VAC14: variants seen among roughly 807,000 people sequenced by gnomAD.
VAC14 encodes the protein protein VAC14 homolog.
A neutral mutation model predicts 85.3 loss-of-function variants in VAC14; 47 were observed. The ratio of observed to expected loss-of-function variants is 0.55; its 90% CI spans 0.44 to 0.70. The LOEUF (loss-of-function observed/expected upper bound fraction) is 0.70, where lower values mean the gene tolerates loss of function less well. Ranked by LOEUF, VAC14 falls within the 30% of genes least tolerant of loss-of-function variation. The pLI, the probability that VAC14 is intolerant of heterozygous loss-of-function variation, is 0.00. For synonymous variants in VAC14, 447 were observed against 430.5 expected (o/e 1.04, Z -0.47); for missense variants, 861 against 1,004.3 (o/e 0.86, Z 1.93).
chr16:70,763,103 G>C, intron 10 of VAC14, 78 bp from the exon 11 acceptor site: 1 of 1,591,922 alleles, frequency 6.3e-7, no homozygotes, highest in South Asian at 1.1e-5. Context: ...CACCACCCTG[G>C]GCCTGCACAT....
intron 14 of VAC14, among the ~76,000 whole-genome samples, chr16:70,710,685 G>A (rs1029585321): frequency 2.0e-5 from 3 of 152,154 alleles, no homozygotes; most frequent in Admixed American, 6.5e-5. Flanking sequence ...CTTCTGCCTC[G>A]TCGGTGCTGG....
Position 70,758,615 on chromosome 16 carries a change from C to A in VAC14, c.1371+3925G>T, listed in dbSNP as rs150399221. ...TACTCACAGGTGGGGGTATGGCCAT[C>A]TTACAGGCAGAACTCACTCAGGCAG... On this transcript the variant is annotated intron_variant, in intron 12 of 18. Coordinates refer to ENST00000261776, the MANE Select transcript of VAC14 (RefSeq NM_018052.5). Among the ~76,000 whole-genome samples the A allele has an allele frequency of 2.2e-3, 330 of 152,326 alleles. 2 individuals are homozygous for A. The highest frequency in any genetic ancestry group is 4.6e-3 in the South Asian group (22 of 4,830).
chr16:70,798,327 G>A (rs757639503), intron 1 of VAC14, among the ~76,000 whole-genome samples: 3 of 152,152 alleles, frequency 2.0e-5, no homozygotes, highest in Non-Finnish European at 4.4e-5. Flanking sequence ...GCCAATATTC[G>A]GACTCTTCTT....
intron 13 of VAC14, among the ~76,000 whole-genome samples, chr16:70,737,574 T>C (rs1053785298): frequency 3.3e-5 from 5 of 152,102 alleles, no homozygotes; most frequent in Admixed American, 3.3e-4. Context: ...TGCCAGCCCC[T>C]GGCAGGAAGT....
At chr16:70,704,736 C>T (rs1011657667) in intron 14 of VAC14, among the ~76,000 whole-genome samples, 21 of 152,318 alleles carry the variant, frequency 1.4e-4, no homozygotes, top group African/African-American at 4.1e-4. Flanking sequence ...AGCCGGAGCC[C>T]GCTCGGGAGG....
At chr16:70,747,944 G>C (rs2143015320) in intron 12 of VAC14, 1 of 150,844 alleles carries the variant, frequency 6.6e-6, no homozygotes, top group South Asian at 2.1e-4. Context: ...GGCCTGGCCT[G>C]TGCAAGGTTG....
chr16:70,787,239 T>C (rs1321906576), intron 1 of VAC14, among the ~76,000 whole-genome samples: 1 of 152,154 alleles, frequency 6.6e-6, no homozygotes, highest in East Asian at 1.9e-4. Flanking sequence ...GAGAACACTG[T>C]AGCTATGGGG....
At chr16:70,799,805 A>G (rs1386833147) in intron 1 of VAC14, among the ~76,000 whole-genome samples, 1 of 152,256 alleles carries the variant, frequency 6.6e-6, no homozygotes, top group Non-Finnish European at 1.5e-5. Flanking sequence ...AGCATTCTGC[A>G]ATGATGGAAA....
rs564457885 is a variant in VAC14, at chr16:70,777,188, G to A, written c.1096+3602C>T. Reference sequence around the variant, plus strand: ...TCGAACTCTTGACCTCAAATGATCCGCCTGCCTTAGCCTCCCAAAGTGCTG... The same window carrying A: ...TCGAACTCTTGACCTCAAATGATCCACCTGCCTTAGCCTCCCAAAGTGCTG... On this transcript the variant is annotated intron_variant, in intron 9 of 18. Coordinates refer to ENST00000261776, the MANE Select transcript of VAC14 (RefSeq NM_018052.5). Among the ~76,000 whole-genome samples, 5 of 152,134 alleles carry A rather than the reference G, an allele frequency of 3.3e-5. No individual in the cohort carries two copies. The South Asian group carries it at 1.0e-3, about 32-fold the overall frequency.
At chr16:70,711,417 AC>A (rs1266530612) in intron 14 of VAC14, among the ~76,000 whole-genome samples, 1 of 150,440 alleles carries the variant, frequency 6.6e-6, no homozygotes, top group African/African-American at 2.5e-5. Context: ...TTGAGGCCCC[AC>A]CCCCACCTGT....
chr16:70,778,388 C>A (rs1306747995), intron 9 of VAC14: 1 of 151,590 alleles, frequency 6.6e-6, no homozygotes, highest in Non-Finnish European at 1.5e-5. Context: ...GTGGCAGGGG[C>A]TGTTGGGTTC....
At chr16:70,766,856 A>C (rs1247688261) in intron 10 of VAC14, among the ~76,000 whole-genome samples, 1 of 152,140 alleles carries the variant, frequency 6.6e-6, no homozygotes, top group Non-Finnish European at 1.5e-5. Flanking sequence ...GCACATGCTC[A>C]GCAGGGGAAC....
intron 10 of VAC14, chr16:70,766,460 C>A (rs548155102): frequency 8.8e-6 from 4 of 456,466 alleles, no homozygotes; most frequent in South Asian, 1.5e-5. Flanking sequence ...CTGAACACAG[C>A]GAACCTGAAG....
rs760183609 is a variant in VAC14 at position 70,786,251 on chromosome 16, G to T, written c.219C>A (p.Leu73=). ...CGATGGAGCAGGCGGCCAGGCCGAT[G>T]AGGCCCCCTTTCCGGCTGTGGGGGT... is the stretch of plus-strand genomic sequence containing the variant. ...SQHPHSRKGG[L]IGLAACSIAL... Residue 73 remains leucine (L), a synonymous_variant, in exon 2 of 19, where the codon CTC becomes CTA. Coordinates refer to ENST00000261776, the MANE Select transcript of VAC14 (RefSeq NM_018052.5). 6.2e-7 allele frequency: 1 copy of T among 1,614,134 alleles called. No individual in the cohort carries two copies. Among genetic ancestry groups the T allele is most frequent in the East Asian group, 2.2e-5 (1 of 44,894 alleles).
intron 14 of VAC14, among the ~76,000 whole-genome samples, chr16:70,721,551 G>C (rs926879404): frequency 2.6e-5 from 4 of 152,130 alleles, no homozygotes; most frequent in Admixed American, 2.0e-4. Context: ...AAATAACCCT[G>C]GGTAGGATGG....
intron 13 of VAC14, among the ~76,000 whole-genome samples, chr16:70,736,612 C>G (rs1183789588): frequency 6.6e-6 from 1 of 152,164 alleles, no homozygotes; most frequent in African/African-American, 2.4e-5. Flanking sequence ...AGTGTGGACC[C>G]AAAATGGACT....
intron 8 of VAC14, among the ~76,000 whole-genome samples, chr16:70,781,338 T>A (rs1223516313): frequency 1.3e-5 from 2 of 152,198 alleles, no homozygotes; most frequent in African/African-American, 4.8e-5. Flanking sequence ...CTTTATAAAT[T>A]ACCCAGCCTC....
chr16:70,733,748 A>G (rs1420482392), intron 13 of VAC14, among the ~76,000 whole-genome samples: 1 of 152,082 alleles, frequency 6.6e-6, no homozygotes, highest in African/African-American at 2.4e-5. Flanking sequence ...TGCTAACACC[A>G]TGCTTTCTAT....
At chr16:70,798,627 A>C (rs1349262402) in intron 1 of VAC14, among the ~76,000 whole-genome samples, 2 of 152,214 alleles carry the variant, frequency 1.3e-5, no homozygotes, top group East Asian at 3.8e-4. Flanking sequence ...GAAACAGATG[A>C]GAGGGTCTTT....
Sources: allele counts gnomAD v4.1 joint callset (sites outside exome capture counted in the v4.1 genomes callset), GRCh38; gene constraint gnomAD v4.1.1; transcripts MANE v1.5; gene names NCBI Gene and HGNC (gene_info 2026-07-23, HGNC 2026-07-21).